TRAPPC10: variants seen among roughly 807,000 people sequenced by gnomAD.
The protein encoded by TRAPPC10 is trafficking protein particle complex subunit 10.
Under a neutral mutation model 125.5 loss-of-function variants are expected in TRAPPC10, and 23 were observed. The ratio of observed to expected loss-of-function variants is 0.18; its 90% confidence interval spans 0.13 to 0.26. The LOEUF is 0.26. Among genes scored for constraint, TRAPPC10 ranks in the 10% least tolerant of loss-of-function variants. The probability of loss-of-function intolerance (pLI) is 1.00; values close to 1 mark genes in which losing one functional copy is unlikely to be tolerated. For synonymous variants in TRAPPC10, 509 were observed against 518.0 expected (o/e 0.98, Z 0.24); for missense variants, 1,123 against 1,308.4 (o/e 0.86, Z 2.19).
At chr21:44,024,901 A>G (rs1188519973) in intron 1 of TRAPPC10, among the ~76,000 whole-genome samples, 1 of 152,152 alleles carries the variant, frequency 6.6e-6, no homozygotes, top group Non-Finnish European at 1.5e-5. Context: ...ACATCCAAAC[A>G]TATTTGTATT....
At chr21:44,041,161 C>G (rs1196230081) in intron 3 of TRAPPC10, among the ~76,000 whole-genome samples, 1 of 152,068 alleles carries the variant, frequency 6.6e-6, no homozygotes, top group Non-Finnish European at 1.5e-5. Context: ...CTTTCTGTTT[C>G]TGAAGTCATT....
intron 7 of TRAPPC10, among the ~76,000 whole-genome samples, chr21:44,072,760 G>A (rs185878188): frequency 3.9e-5 from 6 of 152,270 alleles, no homozygotes; most frequent in East Asian, 1.9e-4. Context: ...CACCGCGCCC[G>A]GCCTCTCCTA....
At chr21:44,043,577 T>G (rs2034567678) in intron 3 of TRAPPC10, among the ~76,000 whole-genome samples, 1 of 152,186 alleles carries the variant, frequency 6.6e-6, no homozygotes, top group Non-Finnish European at 1.5e-5. Flanking sequence ...CATCTACATT[T>G]TCCCTTCCAC....
chr21:44,037,134 G>T (rs1157727396), intron 2 of TRAPPC10, among the ~76,000 whole-genome samples: 1 of 152,166 alleles, frequency 6.6e-6, no homozygotes, highest in African/African-American at 2.4e-5. Flanking sequence ...GCTGCTAGAA[G>T]TGAGAAGTAA....
chr21:44,072,123 A>G (rs528048370), intron 7 of TRAPPC10, among the ~76,000 whole-genome samples: 34 of 152,334 alleles, frequency 2.2e-4, no homozygotes, highest in African/African-American at 8.2e-4. Context: ...TCTTTGCAGG[A>G]AAAAAATATA....
In TRAPPC10 at chr21:44,089,393, A is replaced by G. The variant is rs1449369251; in HGVS notation, c.2770-440A>G. On this transcript the variant is annotated intron_variant, in intron 17 of 22. Transcript: ENST00000291574. The stretch of plus-strand genomic sequence containing the variant: ...ACATATTCAGCCTCACATGGATTAA[A>G]TGCTTAGATAATTCATTAACTATGG... The G allele has an allele frequency of 1.9e-5, 7 of 374,952 alleles. No homozygotes were observed. The Admixed American group carries it at 2.1e-4, about 11-fold the overall frequency. 23.2% of individuals were successfully genotyped at this position (374,952 alleles called of 1,614,324 possible). A position where few individuals can be genotyped will look rare whatever the true frequency, so the allele number is the denominator to read the frequency against.
rs201169614 is a variant in TRAPPC10, at chr21:44,063,810, A to T, written c.1038+25A>T. 3,818 of 1,602,164 alleles carry T rather than the reference A, an allele frequency of 2.4e-3. 8 individuals are homozygous for T. Among genetic ancestry groups the T allele is most frequent in the Non-Finnish European group, 3.1e-3 (3,606 of 1,173,502 alleles). ...AGTGAGTCGGCTGTTTTCCCAATTT[A>T]CCCGTTTCTTGATTGTTCCAGCAGA... On this transcript the variant is annotated intron_variant, in intron 7 of 22. Transcript: ENST00000291574. The surrounding 1 kb of genome is among the most constrained non-coding windows in gnomAD (Gnocchi z 4.4).
Position 44,063,887 on chromosome 21 carries a change from G to A in TRAPPC10, c.1038+102G>A. The A allele has an allele frequency of 6.8e-7, 1 of 1,467,642 alleles. No individual in the cohort carries two copies. The highest frequency in any genetic ancestry group is 9.1e-7 in the Non-Finnish European group (1 of 1,101,886). The allele number at this position is 1,467,642 out of a possible 1,614,324, so 90.9% of individuals were successfully genotyped here. ...ATTGAACTGTTTGTGCTTAAGAAAG[G>A]GTTTTCTTTTCTGAATGCCTTTAAT... On this transcript the variant is annotated intron_variant, in intron 7 of 22. Coordinates refer to ENST00000291574, the MANE Select transcript of TRAPPC10 (RefSeq NM_003274.5). The surrounding 1 kb of genome is among the most constrained non-coding windows in gnomAD (Gnocchi z 4.4).
At chr21:44,030,970 C>T (rs1325857047) in intron 1 of TRAPPC10, among the ~76,000 whole-genome samples, 1 of 152,118 alleles carries the variant, frequency 6.6e-6, no homozygotes, top group East Asian at 1.9e-4. Flanking sequence ...TTCTCATTTT[C>T]CCATTTCCCA....
chr21:44,038,265 C>T (rs918079137), intron 3 of TRAPPC10, among the ~76,000 whole-genome samples: 13 of 152,304 alleles, frequency 8.5e-5, no homozygotes, highest in African/African-American at 3.1e-4. Context: ...TGGCGCCGAG[C>T]GTGGTCGTGT....
chr21:44,017,684 G>A (rs1221601532), intron 1 of TRAPPC10, among the ~76,000 whole-genome samples: 3 of 151,404 alleles, frequency 2.0e-5, no homozygotes, highest in Non-Finnish European at 4.4e-5. Context: ...CCCTGCGGGA[G>A]CTCTGTGGCA....
Position 44,082,618 on chromosome 21 carries a change from A to G in TRAPPC10, c.1724-170A>G, listed in dbSNP as rs776293158. Among the ~76,000 whole-genome samples the G allele has an allele frequency of 2.6e-5, 4 of 151,734 alleles. No individual in the cohort carries two copies. The highest frequency in any genetic ancestry group is 4.4e-5 in the Non-Finnish European group (3 of 67,980). ...TTGCTAATATTCTGCTTTTGATACA[A>G]TAGCCTTTGGGGGGTGTGAAGATGG... is the stretch of plus-strand genomic sequence containing the variant. On this transcript the variant is annotated intron_variant, in intron 13 of 22. Coordinates refer to ENST00000291574, the MANE Select transcript of TRAPPC10 (RefSeq NM_003274.5). This position sits in a 1 kb window ranked among gnomAD's most constrained non-coding sequence, Gnocchi z 4.4.
intron 13 of TRAPPC10, among the ~76,000 whole-genome samples, chr21:44,081,935 C>T (rs1230983830): frequency 2.6e-5 from 4 of 152,126 alleles, no homozygotes; most frequent in African/African-American, 4.8e-5. Context: ...AGCATCATGA[C>T]GTTAGTCTGT....
rs1440740526 is a variant in TRAPPC10 at position 44,063,669 on chromosome 21, A to G, written c.922A>G (p.Ser308Gly). 9 of 1,614,124 alleles carry G rather than the reference A, an allele frequency of 5.6e-6. No individual in the cohort carries two copies. The highest frequency in any genetic ancestry group is 7.6e-6 in the Non-Finnish European group (9 of 1,180,042). ...RREATLLDLR[S>G]YLFSRQCTLL... ...AGAAGCCACCCTGTTAGATCTGCGC[A>G]GTTACCTGTTCTCTCGCCAGTGCAC... The change falls in exon 7 of 23, where the codon AGT (serine) becomes GGT (glycine). Residue 308 changes from serine (S) to glycine (G), a missense_variant. By Grantham distance (56) the Ser-to-Gly change is moderately conservative (BLOSUM62 0). This residue lies in a region of TRAPPC10 where 91 missense variants were observed against 127.1 expected (regional missense o/e 0.72). Transcript: ENST00000291574. This position sits in a 1 kb window ranked among gnomAD's most constrained non-coding sequence, Gnocchi z 4.4.
intron 5 of TRAPPC10, among the ~76,000 whole-genome samples, chr21:44,056,351 G>A (rs545386395): frequency 1.3e-5 from 2 of 152,268 alleles, no homozygotes; most frequent in South Asian, 4.1e-4. Context: ...TTGGAGGCAG[G>A]ATTACTGATG....
chr21:44,071,493 CCT>C (rs1372409316), intron 7 of TRAPPC10, among the ~76,000 whole-genome samples: 1 of 152,164 alleles, frequency 6.6e-6, no homozygotes, highest in East Asian at 1.9e-4. Context: ...GTGGAGCCCA[CCT>C]CTTTCAGGCC....
At chr21:44,072,912 G>A (rs914121674) in intron 7 of TRAPPC10, among the ~76,000 whole-genome samples, 5 of 152,198 alleles carry the variant, frequency 3.3e-5, no homozygotes, top group Non-Finnish European at 7.3e-5. Flanking sequence ...AGGCGGGCCT[G>A]CAAGGTGCGG....
At chr21:44,057,350 C>T (rs988517903) in intron 5 of TRAPPC10, among the ~76,000 whole-genome samples, 2 of 151,612 alleles carry the variant, frequency 1.3e-5, no homozygotes, top group Admixed American at 6.6e-5. Context: ...CAAGGGCTGG[C>T]GTGCAGTGGT....
chr21:44,064,705 G>A (rs2036311282), intron 7 of TRAPPC10, among the ~76,000 whole-genome samples: 1 of 152,104 alleles, frequency 6.6e-6, no homozygotes, highest in East Asian at 1.9e-4. Flanking sequence ...ACTTATTTTT[G>A]TGTGCTTGGT....
Sources: allele counts gnomAD v4.1 joint callset (sites outside exome capture counted in the v4.1 genomes callset), GRCh38; gene constraint gnomAD v4.1.1; regional missense constraint gnomAD v4.1.1; non-coding constraint Gnocchi (gnomAD v3.1); transcripts MANE v1.5; gene names NCBI Gene and HGNC (gene_info 2026-07-23, HGNC 2026-07-21).